Variants in PDRG1 observed in about 807,000 individuals in gnomAD.
PDRG1 encodes the protein p53 and DNA damage regulated 1.
Under a neutral mutation model 18.4 loss-of-function variants are expected in PDRG1, and 14 were observed. That is an observed-to-expected ratio of 0.76 (90% CI 0.50 to 1.19). The LOEUF is 1.19. PDRG1 is among the 50% of genes most tolerant of loss of function. The pLI is 0.00. For missense variants in PDRG1, 177 were observed against 160.1 expected, an observed-to-expected ratio of 1.11 and a Z score of -0.57; for synonymous variants, 65 against 60.9, an observed-to-expected ratio of 1.07 and a Z score of -0.31.
At position 31,952,005 on chromosome 20, in the gene PDRG1, T is replaced by G; in HGVS notation, c.-44A>C. The G allele has an allele frequency of 6.7e-7, 1 of 1,497,672 alleles. No homozygotes were observed. Among genetic ancestry groups the G allele is most frequent in the South Asian group, 1.3e-5 (1 of 76,374 alleles). 92.8% of individuals were successfully genotyped at this position (1,497,672 alleles called of 1,614,324 possible). Reference sequence around the variant, plus strand: ...TTGCGGCTCTCGCGCGACCCCGGGATCTCCGCTTCGACTCCCGCTGCGCAC... The same window carrying G: ...TTGCGGCTCTCGCGCGACCCCGGGAGCTCCGCTTCGACTCCCGCTGCGCAC... On this transcript the variant is annotated 5_prime_UTR_variant, in exon 1 of 5. Transcript: ENST00000202017.
intron 3 of PDRG1, among the ~76,000 whole-genome samples, chr20:31,946,885 G>A (rs1339195042): frequency 1.3e-5 from 2 of 152,182 alleles, no homozygotes; most frequent in African/African-American, 4.8e-5. Context: ...CTCCCACAAT[G>A]AAATTATGGA....
In PDRG1 at chr20:31,945,558, C is replaced by T. The variant is rs2064309319; in HGVS notation, c.*249G>A. On this transcript the variant is annotated 3_prime_UTR_variant, in exon 5 of 5. Transcript: ENST00000202017. ...CACTGCCCCACACACCCACTGGTGGCTACCAAGGCCCGTCAATAGATCTTG... is the reference window on the plus strand; with the variant it reads ...CACTGCCCCACACACCCACTGGTGGTTACCAAGGCCCGTCAATAGATCTTG... The T allele has an allele frequency of 2.4e-6, 1 of 418,132 alleles. No homozygotes were observed. Among genetic ancestry groups the T allele is most frequent in the East Asian group, 4.3e-5 (1 of 23,082 alleles). The allele number at this position is 418,132 out of a possible 1,614,324, so 25.9% of individuals were successfully genotyped here.
Position 31,945,399 on chromosome 20 carries a change from T to C in PDRG1, c.*408A>G, listed in dbSNP as rs1600643610. ...CGCATGGCACCAGCCTGAAAACCTC[T>C]CTCCCTTCTGAGAGGAATGCTGGAA... is the stretch of plus-strand genomic sequence containing the variant. On this transcript the variant is annotated 3_prime_UTR_variant, in exon 5 of 5. Transcript: ENST00000202017. The C allele has an allele frequency of 6.2e-6, 1 of 160,914 alleles. No homozygotes were observed. The highest frequency in any genetic ancestry group is 2.4e-5 in the African/African-American group (1 of 41,624). 10.0% of individuals were successfully genotyped at this position (160,914 alleles called of 1,614,324 possible).
At position 31,944,463 on chromosome 20, in the gene PDRG1, C is replaced by T. The variant is rs935868045; in HGVS notation, c.*1344G>A. The stretch of plus-strand genomic sequence containing the variant: ...TCTCCTTCCCTCCCACCTGTGCGCC[C>T]CAACCCTGCAGGTGCTGTTCTGAGG... On this transcript the variant is annotated 3_prime_UTR_variant, in exon 5 of 5. Coordinates refer to ENST00000202017, the MANE Select transcript of PDRG1 (RefSeq NM_030815.3). 1 of 152,860 alleles carries T rather than the reference C, an allele frequency of 6.5e-6. No homozygotes were observed. Among genetic ancestry groups the T allele is most frequent in the Non-Finnish European group, 1.5e-5 (1 of 68,512 alleles). 9.5% of individuals were successfully genotyped at this position (152,860 alleles called of 1,614,324 possible). A position where few individuals can be genotyped will look rare whatever the true frequency, so the allele number is the denominator to read the frequency against.
chr20:31,950,621 C>T (rs1224543927), intron 1 of PDRG1, among the ~76,000 whole-genome samples: 1 of 152,212 alleles, frequency 6.6e-6, no homozygotes, highest in Non-Finnish European at 1.5e-5. Flanking sequence ...CATGTGCTGA[C>T]TAAATGGGAA....
chr20:31,946,808 T>A (rs1049633376), intron 3 of PDRG1, among the ~76,000 whole-genome samples: 3 of 152,250 alleles, frequency 2.0e-5, no homozygotes, highest in African/African-American at 7.2e-5. Flanking sequence ...TGGCCTTTTC[T>A]GCATTATGCA....
At chr20:31,950,649 C>T (rs1450831312) in intron 1 of PDRG1, among the ~76,000 whole-genome samples, 1 of 152,154 alleles carries the variant, frequency 6.6e-6, no homozygotes, top group African/African-American at 2.4e-5. Flanking sequence ...ATTATCCACT[C>T]GAACTTTAGG....
At chr20:31,946,407 C>A in intron 4 of PDRG1, 89 bp downstream of exon 4, 1 of 1,272,998 alleles carries the variant, frequency 7.9e-7, no homozygotes. Context: ...CTGCCCATCT[C>A]TGAGGGTCGG....
rs760063891 is a variant in PDRG1, at chr20:31,948,805, T to C, written c.238+3A>G. The C allele has an allele frequency of 2.4e-5, 39 of 1,613,368 alleles. No individual in the cohort carries two copies. In the East Asian group the frequency reaches 4.5e-4, roughly 18 times the overall value. On this transcript the variant is annotated splice_donor_region_variant and intron_variant, in intron 3 of 4. Transcript: ENST00000202017. ...CCCCTGACCCATCCCCAGGAGGCCT[T>C]ACCTTTTTCAATCATTTCCTTTGTC...
intron 1 of PDRG1, among the ~76,000 whole-genome samples, chr20:31,951,527 C>G (rs1282424319): frequency 6.6e-6 from 1 of 152,152 alleles, no homozygotes; most frequent in Non-Finnish European, 1.5e-5. Flanking sequence ...TCACAAGGCC[C>G]CCTCAGGCTT....
At position 31,944,509 on chromosome 20, in the gene PDRG1, A is replaced by G. The variant is rs2123671998; in HGVS notation, c.*1298T>C. 1 of 152,488 alleles carries G rather than the reference A, an allele frequency of 6.6e-6. No individual in the cohort carries two copies. 9.4% of individuals were successfully genotyped at this position (152,488 alleles called of 1,614,324 possible). On this transcript the variant is annotated 3_prime_UTR_variant, in exon 5 of 5. Transcript: ENST00000202017. ...TGAGGGAATCACACTGTGCTTGCAC[A>G]AAAATTATTAGCTTATAAGACACCA...
chr20:31,950,045 C>T (rs2064342402), intron 2 of PDRG1, among the ~76,000 whole-genome samples: 1 of 152,206 alleles, frequency 6.6e-6, no homozygotes, highest in South Asian at 2.1e-4. Flanking sequence ...CAGTTTTATA[C>T]ACCCCCGGCA....
intron 2 of PDRG1, 137 bp from the exon 3 acceptor site, chr20:31,949,019 G>A (rs763289750): frequency 5.8e-5 from 41 of 707,758 alleles, no homozygotes; most frequent in Non-Finnish European, 8.2e-5. Flanking sequence ...TACAGTGGAG[G>A]AGAGAGAATA....
intron 2 of PDRG1, among the ~76,000 whole-genome samples, chr20:31,949,965 T>C (rs1457507412): frequency 6.6e-6 from 1 of 152,314 alleles, no homozygotes; most frequent in East Asian, 1.9e-4. Flanking sequence ...CATCTCTGGC[T>C]TTCTTACAAT....
Position 31,950,311 on chromosome 20 carries a change from C to T in PDRG1, c.163+1G>A, listed in dbSNP as rs752456129. On this transcript the variant is annotated splice_donor_variant, in intron 2 of 4. Coordinates refer to ENST00000202017, the MANE Select transcript of PDRG1 (RefSeq NM_030815.3). LOFTEE classifies it high-confidence loss of function. ...GCTGCACTGAGAAAATTTCAACTTA[C>T]CAGAGAGGCTGAGATCCTTCTGCAG... 1 of 1,603,778 alleles carries T rather than the reference C, an allele frequency of 6.2e-7. No homozygotes were observed. Among genetic ancestry groups the T allele is most frequent in the South Asian group, 1.1e-5 (1 of 90,856 alleles).
chr20:31,945,026 T>C lies in PDRG1; in HGVS notation c.*781A>G, dbSNP rs1212683185. The C allele has an allele frequency of 6.6e-6, 1 of 152,216 alleles. No homozygotes were observed. The highest frequency in any genetic ancestry group is 1.5e-5 in the Non-Finnish European group (1 of 68,048). 9.4% of individuals were successfully genotyped at this position (152,216 alleles called of 1,614,324 possible). ...CATAAGAGTTTTGACTTCACGGCAG[T>C]TCATACTGGGACCTCAGACCACTGA... is the stretch of plus-strand genomic sequence containing the variant. On this transcript the variant is annotated 3_prime_UTR_variant, in exon 5 of 5. Transcript: ENST00000202017.
chr20:31,951,762 AG>A, intron 1 of PDRG1, 112 bp downstream of exon 1: 1 of 1,136,618 alleles, frequency 8.8e-7, no homozygotes, highest in Non-Finnish European at 1.2e-6. Context: ...TTATCGGCCC[AG>A]GTCTGTCGCC....
chr20:31,945,636 C>A lies in PDRG1; in HGVS notation c.*171G>T. The A allele has an allele frequency of 1.9e-6, 1 of 525,746 alleles. No homozygotes were observed. The highest frequency in any genetic ancestry group is 3.3e-5 in the East Asian group (1 of 30,210). The allele number at this position is 525,746 out of a possible 1,614,324, so 32.6% of individuals were successfully genotyped here. ...CAGCAGCCAGACAGGCTGAAGGTTC[C>A]CTCCTGCCATCACAGAGTAGCCAAG... is the stretch of plus-strand genomic sequence containing the variant. On this transcript the variant is annotated 3_prime_UTR_variant, in exon 5 of 5. Coordinates refer to ENST00000202017, the MANE Select transcript of PDRG1 (RefSeq NM_030815.3).
intron 2 of PDRG1, among the ~76,000 whole-genome samples, chr20:31,950,097 G>A (rs560102726): frequency 6.6e-6 from 1 of 152,268 alleles, no homozygotes; most frequent in East Asian, 1.9e-4. Context: ...AGGAGCTAAC[G>A]ACCTGTCACT....
Sources: allele counts gnomAD v4.1 joint callset (sites outside exome capture counted in the v4.1 genomes callset), GRCh38; gene constraint gnomAD v4.1.1; transcripts MANE v1.5; gene names NCBI Gene and HGNC (gene_info 2026-07-23, HGNC 2026-07-21).